Variants in CNTN6 observed in about 807,000 individuals in gnomAD.
CNTN6 encodes contactin 6, also known as contactin-6.
CNTN6 carries 137 observed loss-of-function variants against 122.8 expected under a neutral mutation model. The observed-to-expected ratio is 1.12, with a 90% CI of 0.97 to 1.29. The LOEUF (loss-of-function observed/expected upper bound fraction) is 1.29, where lower values mean the gene tolerates loss of function less well. Among genes scored for constraint, CNTN6 ranks in the 50% most tolerant of loss-of-function variants. CNTN6 has a pLI of 0.00. For synonymous variants in CNTN6, 570 were observed against 426.0 expected, an observed-to-expected ratio of 1.34 and a Z score of -4.16; for missense variants, 1,634 against 1,223.4, an observed-to-expected ratio of 1.34 and a Z score of -5.01.
intron 20 of CNTN6, among the ~76,000 whole-genome samples, chr3:1,392,114 A>G (rs1304969037): frequency 6.6e-6 from 1 of 152,276 alleles, no homozygotes; most frequent in Non-Finnish European, 1.5e-5. Context: ...TCTAAGCCAA[A>G]AGAACAAAGC....
chr3:1,209,629 T>C (rs999510804), intron 2 of CNTN6, among the ~76,000 whole-genome samples: 5 of 151,994 alleles, frequency 3.3e-5, no homozygotes, highest in African/African-American at 1.2e-4. Flanking sequence ...AATGAAAATT[T>C]ATTTTTATTA....
At chr3:1,313,323 AAGG>A (rs1395577441) in intron 7 of CNTN6, among the ~76,000 whole-genome samples, 22 of 152,144 alleles carry the variant, frequency 1.4e-4, no homozygotes, top group African/African-American at 5.3e-4. Flanking sequence ...TTTACATTAA[AAGG>A]AGTAGAAATT....
intron 17 of CNTN6, among the ~76,000 whole-genome samples, chr3:1,379,576 GT>G (rs1374821252): frequency 6.6e-6 from 1 of 151,830 alleles, no homozygotes; most frequent in African/African-American, 2.4e-5. Flanking sequence ...TAAAATAAAA[GT>G]TGAATTTTTT....
chr3:1,100,822 A>G (rs1019165307), intron 1 of CNTN6, among the ~76,000 whole-genome samples: 1 of 152,204 alleles, frequency 6.6e-6, no homozygotes, highest in Middle Eastern at 3.4e-3. Flanking sequence ...TCCCATTCTT[A>G]AGCTCTCAAA....
At chr3:1,243,318 G>A (rs1025678735) in intron 4 of CNTN6, among the ~76,000 whole-genome samples, 12 of 152,212 alleles carry the variant, frequency 7.9e-5, no homozygotes, top group Non-Finnish European at 1.2e-4. Flanking sequence ...GGCTGCTGCG[G>A]TTCAGGTGTT....
intron 2 of CNTN6, among the ~76,000 whole-genome samples, chr3:1,182,769 G>A (rs559531817): frequency 1.3e-5 from 2 of 152,190 alleles, no homozygotes; most frequent in African/African-American, 4.8e-5. Context: ...CTATAAAAGT[G>A]TAATACAATT....
At chr3:1,252,745 C>T (rs954768029) in intron 4 of CNTN6, among the ~76,000 whole-genome samples, 6 of 152,116 alleles carry the variant, frequency 3.9e-5, no homozygotes, top group African/African-American at 1.4e-4. Context: ...ATACCACACT[C>T]AAGGGGAAAG....
intron 1 of CNTN6, among the ~76,000 whole-genome samples, chr3:1,135,945 T>C (rs917053868): frequency 6.6e-6 from 1 of 152,088 alleles, no homozygotes; most frequent in African/African-American, 2.4e-5. Context: ...TGAGCCGAGA[T>C]TGCGCCACTG....
intron 11 of CNTN6, among the ~76,000 whole-genome samples, chr3:1,331,231 T>C (rs1354122183): frequency 6.6e-6 from 1 of 152,000 alleles, no homozygotes; most frequent in Non-Finnish European, 1.5e-5. Context: ...TCTGCATTTC[T>C]TTACATCCCT....
At chr3:1,111,023 T>C (rs1299695608) in intron 1 of CNTN6, among the ~76,000 whole-genome samples, 1 of 152,174 alleles carries the variant, frequency 6.6e-6, no homozygotes, top group African/African-American at 2.4e-5. Context: ...TTTTCCTATG[T>C]GTAAAATTGA....
chr3:1,099,399 C>T lies in CNTN6; in HGVS notation c.-83+6279C>T, dbSNP rs552008754. 7.8e-4 allele frequency among the ~76,000 whole-genome samples: 118 copies of T among 152,020 alleles called. 1 individual carries two copies. Among genetic ancestry groups the T allele is most frequent in the Middle Eastern group, 3.4e-3 (1 of 292 alleles). ...CCGGGGGGCGGAGCTTGCAGTGAGC[C>T]GAGATTGAGCCATTACACTCCAGCC... On this transcript the variant is annotated intron_variant, in intron 1 of 22. Transcript: ENST00000446702.
In CNTN6 at chr3:1,284,027, A is replaced by T. The variant is rs532428517; in HGVS notation, c.454+5519A>T. ...AAAGCAAACAAACAAACAAACAAAAAAGAAACTAAGTCCCGAGCTCATAAA... is the reference window on the plus strand; with the variant it reads ...AAAGCAAACAAACAAACAAACAAAATAGAAACTAAGTCCCGAGCTCATAAA... On this transcript the variant is annotated intron_variant, in intron 5 of 22. Coordinates refer to ENST00000446702, the MANE Select transcript of CNTN6 (RefSeq NM_001289080.2). 2.6e-5 allele frequency among the ~76,000 whole-genome samples: 4 copies of T among 152,304 alleles called. No homozygotes were observed. The South Asian group carries it at 8.3e-4, about 32-fold the overall frequency.
chr3:1,144,049 G>C (rs982084599), intron 1 of CNTN6, among the ~76,000 whole-genome samples: 5 of 152,188 alleles, frequency 3.3e-5, no homozygotes, highest in Admixed American at 1.3e-4. Flanking sequence ...TGTACCACCA[G>C]GTTGTTCAGC....
chr3:1,331,151 T>C (rs1205557431), intron 11 of CNTN6, among the ~76,000 whole-genome samples: 2 of 151,962 alleles, frequency 1.3e-5, no homozygotes. Context: ...GCCTTGAAGA[T>C]CCATTCCATT....
At chr3:1,301,129 C>G (rs1394368249) in intron 7 of CNTN6, among the ~76,000 whole-genome samples, 4 of 147,420 alleles carry the variant, frequency 2.7e-5, no homozygotes, top group East Asian at 2.1e-4. Flanking sequence ...CTCCGCGTCC[C>G]CGGTTCAAGT....
intron 7 of CNTN6, among the ~76,000 whole-genome samples, chr3:1,303,009 TC>T (rs1364812357): frequency 2.0e-5 from 3 of 152,084 alleles, no homozygotes; most frequent in Non-Finnish European, 4.4e-5. Context: ...TTCATTTACT[TC>T]CCCCCTTAGC....
chr3:1,372,932 C>T lies in CNTN6; in HGVS notation c.1763C>T (p.Ala588Val), dbSNP rs1410541042. The T allele has an allele frequency of 2.5e-6, 4 of 1,591,822 alleles. No individual in the cohort carries two copies. The South Asian group carries it at 4.5e-5, about 18-fold the overall frequency. Residue 588 changes from alanine to valine, a missense_variant, in exon 14 of 23, where the codon GCA becomes GTA. Physicochemically the swap from Ala to Val is moderately conservative, Grantham distance 64. Coordinates refer to ENST00000446702, the MANE Select transcript of CNTN6 (RefSeq NM_001289080.2). ...CAAACAACCCTAGAAAGTTTATCTG[C>T]AGTAGCCGATATCATTGTTAGAGGT... ...TVQTTLESLS[A>V]VADIIVRGPP...
At chr3:1,276,586 C>T (rs1250076550) in intron 4 of CNTN6, among the ~76,000 whole-genome samples, 1 of 152,148 alleles carries the variant, frequency 6.6e-6, no homozygotes, top group African/African-American at 2.4e-5. Context: ...TTCAGTACAA[C>T]AAAACGTCCC....
chr3:1,368,565 G>T (rs1708553557), intron 12 of CNTN6, among the ~76,000 whole-genome samples: 1 of 152,084 alleles, frequency 6.6e-6, no homozygotes, highest in Non-Finnish European at 1.5e-5. Context: ...TCTTGCATTT[G>T]CCAGGAGTGA....
Sources: gnomAD v4.1 joint callset for allele counts (sites outside exome capture counted in the v4.1 genomes callset) on GRCh38, gnomAD v4.1.1 for gene constraint, MANE v1.5 for transcripts, NCBI Gene and HGNC (gene_info 2026-07-23, HGNC 2026-07-21) for gene names.